ANK3: variants seen among roughly 807,000 people sequenced by gnomAD.
ANK3 encodes the protein ankyrin-3.
In ANK3, 57 loss-of-function variants were observed where a neutral mutation model predicts 370.9. The observed-to-expected ratio is 0.15, with a 90% CI of 0.12 to 0.19. The LOEUF (loss-of-function observed/expected upper bound fraction) is 0.19. ANK3 is among the 10% of genes least tolerant of loss of function. The pLI is 1.00. For synonymous variants in ANK3, 1,929 were observed against 1,946.3 expected, an observed-to-expected ratio of 0.99 and a Z score of 0.23; for missense variants, 4,439 against 5,302.1, an observed-to-expected ratio of 0.84 and a Z score of 5.06.
At chr10:60,331,267 A>T (rs1006669330) in intron 1 of ANK3, among the ~76,000 whole-genome samples, 1 of 39,176 alleles carries the variant, frequency 2.6e-5, no homozygotes, top group Non-Finnish European at 6.3e-5. Context: ...AAGTATAATA[A>T]AAAAAAATCA....
intron 43 of ANK3, among the ~76,000 whole-genome samples, 167 bp from the exon 44 acceptor site, chr10:60,029,993 T>A (rs185272319): frequency 2.9e-4 from 43 of 148,660 alleles, no homozygotes; most frequent in Non-Finnish European, 4.7e-4. Context: ...TGGTTTAACA[T>A]GATGCTGCTA....
intron 1 of ANK3, chr10:60,300,558 C>T (rs1442393818): frequency 8.4e-7 from 1 of 1,193,830 alleles, no homozygotes; most frequent in Non-Finnish European, 1.1e-6. Context: ...CGCCTGGGCC[C>T]TTATAAACAG....
chr10:60,209,136 G>A (rs1441166891), intron 9 of ANK3, among the ~76,000 whole-genome samples: 5 of 152,200 alleles, frequency 3.3e-5, no homozygotes, highest in Admixed American at 6.5e-5. Context: ...CTATGATGGC[G>A]AAGTGGGGGA....
chr10:60,333,888 A>G (rs1352162394), intron 1 of ANK3, among the ~76,000 whole-genome samples: 1 of 152,176 alleles, frequency 6.6e-6, no homozygotes, highest in Non-Finnish European at 1.5e-5. Context: ...GAACCCAATG[A>G]AAACACATAT....
chr10:60,407,388 G>A (rs2063476402), intron 2 of ANK3, among the ~76,000 whole-genome samples: 1 of 152,140 alleles, frequency 6.6e-6, no homozygotes, highest in Non-Finnish European at 1.5e-5. Flanking sequence ...GAATTGTGAG[G>A]ATGCAAATTA....
intron 2 of ANK3, among the ~76,000 whole-genome samples, chr10:60,475,464 C>G (rs1399379433): frequency 6.6e-6 from 1 of 152,092 alleles, no homozygotes; most frequent in Non-Finnish European, 1.5e-5. Context: ...TGTTTTAGTC[C>G]TATTTCAGAG....
intron 7 of ANK3, among the ~76,000 whole-genome samples, chr10:60,250,621 T>TCATG (rs1211674026): frequency 6.6e-6 from 1 of 152,170 alleles, no homozygotes; most frequent in African/African-American, 2.4e-5. Flanking sequence ...CTCCTTGGCC[T>TCATG]CCCAAAGTTC....
At chr10:60,140,107 T>C in intron 23 of ANK3, 1 of 565,048 alleles carries the variant, frequency 1.8e-6, no homozygotes, top group South Asian at 2.5e-5. Flanking sequence ...CGGTACTGTT[T>C]ACATTTTCCA....
At chr10:60,222,036 T>C (rs556376941) in intron 8 of ANK3, among the ~76,000 whole-genome samples, 1 of 152,358 alleles carries the variant, frequency 6.6e-6, no homozygotes, top group Admixed American at 6.5e-5. Flanking sequence ...TGCAAAGAGC[T>C]ACCTGAAGCA....
chr10:60,593,502 T>C, intron 2 of ANK3, among the ~76,000 whole-genome samples: 1 of 152,330 alleles, frequency 6.6e-6, no homozygotes, highest in East Asian at 1.9e-4. Flanking sequence ...CCAAATCTTT[T>C]TCATGTAGCA....
chr10:60,465,453 C>A (rs2133065905), intron 2 of ANK3, among the ~76,000 whole-genome samples: 1 of 152,206 alleles, frequency 6.6e-6, no homozygotes, highest in Non-Finnish European at 1.5e-5. Flanking sequence ...AAATGACCAG[C>A]AAAAATAAAT....
At chr10:60,417,916 A>T (rs903369196) in intron 2 of ANK3, among the ~76,000 whole-genome samples, 7 of 150,320 alleles carry the variant, frequency 4.7e-5, no homozygotes, top group Admixed American at 2.6e-4. Context: ...AAGGTTTTTT[A>T]AAAAAATTTT....
chr10:60,656,527 A>G (rs962495820), intron 1 of ANK3, among the ~76,000 whole-genome samples: 5 of 151,900 alleles, frequency 3.3e-5, no homozygotes, highest in African/African-American at 1.2e-4. Context: ...TGTAATAATT[A>G]TTTCCTTCCC....
chr10:60,220,264 G>A (rs1026911407), intron 8 of ANK3, among the ~76,000 whole-genome samples: 10 of 152,018 alleles, frequency 6.6e-5, no homozygotes, highest in Admixed American at 5.2e-4. Flanking sequence ...AGTAAAAAAT[G>A]ACAAAATATG....
At chr10:60,265,230 C>T (rs182622968) in intron 5 of ANK3, among the ~76,000 whole-genome samples, 2 of 152,150 alleles carry the variant, frequency 1.3e-5, no homozygotes, top group African/African-American at 2.4e-5. Flanking sequence ...CTTATCCCTC[C>T]TCATTGACCA....
chr10:60,536,300 G>C (rs1241333288), intron 2 of ANK3, among the ~76,000 whole-genome samples: 2 of 152,008 alleles, frequency 1.3e-5, no homozygotes, highest in East Asian at 3.9e-4. Context: ...CATCCCCTTA[G>C]TTAAGCTTTG....
intron 1 of ANK3, among the ~76,000 whole-genome samples, chr10:60,625,412 G>A (rs972319196): frequency 6.6e-6 from 1 of 152,146 alleles, no homozygotes; most frequent in African/African-American, 2.4e-5. Context: ...ATTGTCCCTA[G>A]CTAATTTCTT....
At chr10:60,433,752 C>T (rs2064090714) in intron 2 of ANK3, among the ~76,000 whole-genome samples, 1 of 152,186 alleles carries the variant, frequency 6.6e-6, no homozygotes, top group Admixed American at 6.5e-5. Context: ...TTTAGAAAAA[C>T]ACTCTTACTA....
At chr10:60,689,224 AC>A (rs1177631273) in intron 1 of ANK3, among the ~76,000 whole-genome samples, 1 of 152,042 alleles carries the variant, frequency 6.6e-6, no homozygotes, top group Non-Finnish European at 1.5e-5. Context: ...ACATAGTGAG[AC>A]TGTAACTCTA....
Sources: allele counts gnomAD v4.1 joint callset (sites outside exome capture counted in the v4.1 genomes callset), GRCh38; gene constraint gnomAD v4.1.1; transcripts MANE v1.5; gene names NCBI Gene and HGNC (gene_info 2026-07-23, HGNC 2026-07-21).